Variants in PUM2 observed in about 807,000 individuals in gnomAD.
PUM2 encodes the protein pumilio RNA binding family member 2.
A neutral mutation model predicts 124.5 loss-of-function variants in PUM2; 57 were observed. The ratio of observed to expected loss-of-function variants is 0.46; its 90% CI spans 0.37 to 0.57. PUM2 has a LOEUF of 0.57. Among genes scored for constraint, PUM2 ranks in the 20% least tolerant of loss-of-function variants. The probability of loss-of-function intolerance (pLI) is 0.00; values close to 1 mark genes in which losing one functional copy is unlikely to be tolerated. For missense variants in PUM2, 1,065 were observed against 1,290.6 expected (o/e 0.83, Z 2.68); for synonymous variants, 460 against 446.1 (o/e 1.03, Z -0.39).
intron 8 of PUM2, among the ~76,000 whole-genome samples, chr2:20,294,821 G>T (rs925434694): frequency 6.6e-6 from 1 of 152,064 alleles, no homozygotes; most frequent in Non-Finnish European, 1.5e-5. Flanking sequence ...ATATATTCAG[G>T]GAACACAGAT....
chr2:20,282,294 C>T (rs1223715147), intron 12 of PUM2, among the ~76,000 whole-genome samples: 1 of 152,142 alleles, frequency 6.6e-6, no homozygotes, highest in African/African-American at 2.4e-5. Context: ...TTTAGTGAAG[C>T]TATTTAAAAT....
chr2:20,310,626 T>C (rs190400120), intron 5 of PUM2, among the ~76,000 whole-genome samples: 116 of 151,942 alleles, frequency 7.6e-4, no homozygotes, highest in South Asian at 1.7e-3. Flanking sequence ...TCAGAACAGA[T>C]AGAAATGGCA....
intron 1 of PUM2, among the ~76,000 whole-genome samples, chr2:20,338,612 A>G (rs963648805): frequency 2.0e-5 from 3 of 152,216 alleles, no homozygotes; most frequent in Non-Finnish European, 2.9e-5. Context: ...CTAAATCAGA[A>G]CTAGGAAAGA....
At chr2:20,257,060 A>AG (rs1664983447) in intron 16 of PUM2, among the ~76,000 whole-genome samples, 2 of 145,262 alleles carry the variant, frequency 1.4e-5, no homozygotes, top group African/African-American at 5.3e-5. Flanking sequence ...AAAAAAAAAA[A>AG]AAAAAAAAAA....
At chr2:20,252,349 TAG>T (rs1304668671) in intron 20 of PUM2, among the ~76,000 whole-genome samples, 4 of 152,012 alleles carry the variant, frequency 2.6e-5, no homozygotes, top group African/African-American at 9.7e-5. Flanking sequence ...AAGTTGAGGC[TAG>T]AGTTAGCCGA....
chr2:20,307,513 AG>A (rs1678634152), intron 7 of PUM2, among the ~76,000 whole-genome samples: 1 of 152,232 alleles, frequency 6.6e-6, no homozygotes, highest in Admixed American at 6.5e-5. Context: ...TAAAGGGTAT[AG>A]GGAAGTTATT....
At position 20,255,347 on chromosome 2, in the gene PUM2, G is replaced by A. The variant is rs560904148; in HGVS notation, c.2623-6C>T. On this transcript the variant is annotated splice_region_variant and splice_polypyrimidine_tract_variant and intron_variant, in intron 17 of 20. Transcript: ENST00000361078. ...TGAGTTGAAAGCACAAATACCTGAG[G>A]ACAATTAGAAGAATTAAAATTTGTA... 5.6e-6 allele frequency: 9 copies of A among 1,609,278 alleles called. No homozygotes were observed. In the East Asian group the frequency reaches 1.6e-4, roughly 28 times the overall value.
At chr2:20,283,622 T>C (rs566487387) in intron 10 of PUM2, 136 bp from the exon 11 acceptor site, 6 of 843,424 alleles carry the variant, frequency 7.1e-6, no homozygotes, top group African/African-American at 6.9e-5. Flanking sequence ...AGTTAATATA[T>C]GCAAAGCAAC....
At chr2:20,259,855 G>A (rs1261516643) in intron 15 of PUM2, among the ~76,000 whole-genome samples, 1 of 152,162 alleles carries the variant, frequency 6.6e-6, no homozygotes, top group African/African-American at 2.4e-5. Context: ...CTGCCAAACT[G>A]TTTTCCATAG....
chr2:20,260,240 T>C, intron 15 of PUM2, 97 bp downstream of exon 15: 1 of 1,271,768 alleles, frequency 7.9e-7, no homozygotes, highest in African/African-American at 1.5e-5. Flanking sequence ...TATCTTTTTT[T>C]ATATGAAAAT....
intron 7 of PUM2, among the ~76,000 whole-genome samples, chr2:20,305,488 A>AAAAAC (rs1678026085): frequency 7.2e-6 from 1 of 138,482 alleles, no homozygotes; most frequent in East Asian, 2.2e-4. Flanking sequence ...AAAAAAAAAA[A>AAAAAC]GACGTATCTA....
intron 13 of PUM2, among the ~76,000 whole-genome samples, chr2:20,264,102 G>A (rs1267790531): frequency 6.6e-6 from 1 of 151,182 alleles, no homozygotes; most frequent in African/African-American, 2.4e-5. Flanking sequence ...ACTTTGGATG[G>A]TCGAGGAGGG....
chr2:20,256,734 T>C (rs929411934), intron 16 of PUM2, among the ~76,000 whole-genome samples: 3 of 152,144 alleles, frequency 2.0e-5, no homozygotes, highest in East Asian at 3.9e-4. Context: ...TTTGTTCTTT[T>C]ATAAAATGCT....
intron 5 of PUM2, among the ~76,000 whole-genome samples, 157 bp downstream of exon 5, chr2:20,311,337 A>C (rs969275576): frequency 5.9e-5 from 9 of 152,222 alleles, no homozygotes; most frequent in Middle Eastern, 6.8e-3. Flanking sequence ...ATAATCACAA[A>C]TTTTCTTTAT....
At chr2:20,265,121 G>A (rs1472394856) in intron 13 of PUM2, among the ~76,000 whole-genome samples, 1 of 151,798 alleles carries the variant, frequency 6.6e-6, no homozygotes, top group Non-Finnish European at 1.5e-5. Context: ...GCGCGGTGGC[G>A]TGCACCTGTA....
intron 13 of PUM2, among the ~76,000 whole-genome samples, chr2:20,272,911 T>G (rs1669369860): frequency 6.6e-6 from 1 of 152,134 alleles, no homozygotes; most frequent in Non-Finnish European, 1.5e-5. Flanking sequence ...CAAAACCAAC[T>G]CCAGTGAAAA....
chr2:20,318,175 TCAC>T (rs1256001457), intron 3 of PUM2, among the ~76,000 whole-genome samples: 3 of 152,174 alleles, frequency 2.0e-5, no homozygotes, highest in Non-Finnish European at 4.4e-5. Context: ...TGGTCCTTTT[TCAC>T]CACAACCTCA....
chr2:20,293,810 C>T (rs1205653408), intron 9 of PUM2, among the ~76,000 whole-genome samples: 1 of 152,078 alleles, frequency 6.6e-6, no homozygotes, highest in Non-Finnish European at 1.5e-5. Context: ...GGTATAAATA[C>T]AATGAATGTG....
chr2:20,308,466 C>G lies in PUM2; in HGVS notation c.637G>C (p.Val213Leu). Reference protein sequence around the residue: ...LPNPTANKPLVEEFSNPETQN... With the variant: ...LPNPTANKPLLEEFSNPETQN... ...GTTTCAGGATTTGAAAATTCTTCAACAAGTGGTTTATTAGCTGTAGGATTA... is the reference window on the plus strand; with the variant it reads ...GTTTCAGGATTTGAAAATTCTTCAAGAAGTGGTTTATTAGCTGTAGGATTA... The change falls in exon 6 of 21, where the codon GTT (valine) becomes CTT (leucine). Residue 213 changes from valine to leucine, a missense_variant. Val to Leu is a conservative substitution (Grantham distance 32, BLOSUM62 1). Around this residue, in one of 3 missense-constraint regions of PUM2, gnomAD observed 968 missense variants for 1,159.8 expected, o/e 0.83. Coordinates refer to ENST00000361078, the MANE Select transcript of PUM2 (RefSeq NM_015317.5). The G allele has an allele frequency of 2.5e-6, 4 of 1,614,092 alleles. No homozygotes were observed. The South Asian group carries it at 4.4e-5, about 18-fold the overall frequency.
Sources: gnomAD v4.1 joint callset for allele counts (sites outside exome capture counted in the v4.1 genomes callset) on GRCh38, gnomAD v4.1.1 for gene constraint, gnomAD v4.1.1 regional missense constraint, MANE v1.5 for transcripts, NCBI Gene and HGNC (gene_info 2026-07-23, HGNC 2026-07-21) for gene names.